The following MRPS27 variants were observed in gnomAD, a reference collection of about 807,000 sequenced individuals.
MRPS27 encodes the protein small ribosomal subunit protein mS27.
MRPS27 carries 43 observed loss-of-function variants against 48.9 expected under a neutral mutation model. The observed-to-expected ratio is 0.88, with a 90% CI of 0.69 to 1.13. The LOEUF (loss-of-function observed/expected upper bound fraction) is 1.13, where lower values mean the gene tolerates loss of function less well. MRPS27 is among the 50% of genes most tolerant of loss of function. MRPS27 has a pLI of 0.00. For synonymous variants in MRPS27, 188 were observed against 171.9 expected, an observed-to-expected ratio of 1.09 and a Z score of -0.73; for missense variants, 467 against 476.3, an observed-to-expected ratio of 0.98 and a Z score of 0.18.
intron 4 of MRPS27, among the ~76,000 whole-genome samples, chr5:72,292,498 G>A (rs981585945): frequency 6.6e-6 from 1 of 152,110 alleles, no homozygotes; most frequent in African/African-American, 2.4e-5. Flanking sequence ...TTAAGCCTAT[G>A]TACTTTCAGA....
chr5:72,296,168 A>G (rs1386390368), intron 3 of MRPS27, among the ~76,000 whole-genome samples: 1 of 152,186 alleles, frequency 6.6e-6, no homozygotes, highest in Non-Finnish European at 1.5e-5. Context: ...TATGGTCCAA[A>G]TAAACAAATA....
intron 4 of MRPS27, among the ~76,000 whole-genome samples, chr5:72,254,309 G>C (rs1748737641): frequency 6.6e-6 from 1 of 152,078 alleles, no homozygotes; most frequent in Non-Finnish European, 1.5e-5. Flanking sequence ...ACAAAACCTA[G>C]GAAACTAGGG....
At chr5:72,274,276 C>T (rs1032042917) in intron 4 of MRPS27, among the ~76,000 whole-genome samples, 2 of 152,216 alleles carry the variant, frequency 1.3e-5, no homozygotes, top group Non-Finnish European at 2.9e-5. Flanking sequence ...ATCGCTTGAA[C>T]CCAAGAGGCA....
At chr5:72,232,132 C>A (rs1289781528) in intron 7 of MRPS27, among the ~76,000 whole-genome samples, 1 of 152,136 alleles carries the variant, frequency 6.6e-6, no homozygotes, top group African/African-American at 2.4e-5. Flanking sequence ...ACGTTAGCTG[C>A]CTCACTGCCT....
chr5:72,307,598 T>C (rs1750307553), intron 2 of MRPS27, among the ~76,000 whole-genome samples: 1 of 152,030 alleles, frequency 6.6e-6, no homozygotes, highest in African/African-American at 2.4e-5. Flanking sequence ...TAAGAGCTGA[T>C]AATTGTTGAA....
At chr5:72,286,546 C>G (rs1196391538) in intron 4 of MRPS27, among the ~76,000 whole-genome samples, 1 of 151,812 alleles carries the variant, frequency 6.6e-6, no homozygotes, top group East Asian at 1.9e-4. Flanking sequence ...AAAAAATTAG[C>G]TTTGATCTTT....
intron 2 of MRPS27, among the ~76,000 whole-genome samples, chr5:72,306,557 A>G (rs1029152862): frequency 2.0e-5 from 3 of 152,238 alleles, no homozygotes; most frequent in South Asian, 4.1e-4. Flanking sequence ...TTCAATAAAT[A>G]AATTGCAAAA....
At chr5:72,249,173 T>G (rs1748589446) in intron 4 of MRPS27, among the ~76,000 whole-genome samples, 1 of 152,202 alleles carries the variant, frequency 6.6e-6, no homozygotes, top group Non-Finnish European at 1.5e-5. Flanking sequence ...AAGGCAAAAC[T>G]GAATGTTAAA....
At chr5:72,257,146 ATTT>A (rs1161504084) in intron 4 of MRPS27, among the ~76,000 whole-genome samples, 2 of 152,144 alleles carry the variant, frequency 1.3e-5, no homozygotes, top group Admixed American at 6.5e-5. Context: ...AATTGTAATG[ATTT>A]TTAGTAGAAT....
intron 4 of MRPS27, among the ~76,000 whole-genome samples, chr5:72,286,165 A>G (rs990410853): frequency 2.6e-5 from 4 of 152,322 alleles, no homozygotes; most frequent in African/African-American, 9.6e-5. Flanking sequence ...ATGTCTCTAT[A>G]TTAATAATGC....
intron 4 of MRPS27, among the ~76,000 whole-genome samples, chr5:72,278,442 C>CAAA (rs11296227): frequency 5.3e-5 from 5 of 94,660 alleles, no homozygotes; most frequent in African/African-American, 1.3e-4. Context: ...CTCTCCATCT[C>CAAA]AAAAAAAAAA....
At chr5:72,280,267 T>C (rs1749500335) in intron 4 of MRPS27, among the ~76,000 whole-genome samples, 2 of 152,222 alleles carry the variant, frequency 1.3e-5, no homozygotes, top group African/African-American at 4.8e-5. Context: ...TCTGCTGAGA[T>C]TTTGGTTGGA....
At chr5:72,287,476 C>T (rs1004055097) in intron 4 of MRPS27, among the ~76,000 whole-genome samples, 2 of 151,996 alleles carry the variant, frequency 1.3e-5, no homozygotes, top group Admixed American at 6.6e-5. Context: ...CCTATCTCTA[C>T]AAAAACACAA....
At chr5:72,232,290 G>A (rs1748082651) in intron 7 of MRPS27, among the ~76,000 whole-genome samples, 153 bp downstream of exon 7, 1 of 152,116 alleles carries the variant, frequency 6.6e-6, no homozygotes, top group South Asian at 2.1e-4. Flanking sequence ...AATTCCATTT[G>A]TTAGAAACCA....
At chr5:72,270,596 C>T (rs374769436) in intron 4 of MRPS27, among the ~76,000 whole-genome samples, 10 of 152,016 alleles carry the variant, frequency 6.6e-5, no homozygotes, top group African/African-American at 1.9e-4. Flanking sequence ...TATCAAGCAC[C>T]GAAGAAACTC....
chr5:72,260,754 T>C (rs557746131), intron 4 of MRPS27, among the ~76,000 whole-genome samples: 2 of 152,304 alleles, frequency 1.3e-5, no homozygotes, highest in South Asian at 4.1e-4. Flanking sequence ...ATGTCACAAG[T>C]AATTAGGTGG....
At chr5:72,221,228 G>C (rs1181127978) in intron 10 of MRPS27, 80 bp from the exon 11 acceptor site, 1 of 1,517,066 alleles carries the variant, frequency 6.6e-7, no homozygotes, top group African/African-American at 1.4e-5. Flanking sequence ...CTAGCCCTGA[G>C]TGACTGACTT....
rs1262612447 is a variant in MRPS27 at position 72,221,144 on chromosome 5, A to G, written c.1010T>C (p.Leu337Ser). The change falls in exon 11 of 11, where the codon TTA becomes TCA. Residue 337 changes from leucine (L) to serine (S), a missense_variant. By Grantham distance (145) the Leu-to-Ser change is moderately radical. Coordinates refer to ENST00000261413, the MANE Select transcript of MRPS27 (RefSeq NM_015084.3). ...GCCCAGAGCTTGAAGCTTAGAATGT[A>G]AGGCCTGTTGGAAACAAATGGGAAA... ...LPQYLERFKA[L>S]HSKLQALGKI... 1 of 1,613,808 alleles carries G rather than the reference A, an allele frequency of 6.2e-7. No homozygotes were observed. Among genetic ancestry groups the G allele is most frequent in the African/African-American group, 1.3e-5 (1 of 74,886 alleles).
At chr5:72,296,622 A>C (rs189507471) in intron 3 of MRPS27, among the ~76,000 whole-genome samples, 124 of 152,344 alleles carry the variant, frequency 8.1e-4, no homozygotes, top group African/African-American at 2.8e-3. Context: ...CCATCATGTA[A>C]GGGACGAAAA....
Sources: gnomAD v4.1 joint callset for allele counts (sites outside exome capture counted in the v4.1 genomes callset) on GRCh38, gnomAD v4.1.1 for gene constraint, MANE v1.5 for transcripts, NCBI Gene and HGNC (gene_info 2026-07-23, HGNC 2026-07-21) for gene names.